Variants in CTNNA2 observed in about 807,000 individuals in gnomAD.
CTNNA2 encodes catenin alpha 2, also known as catenin alpha-2.
A neutral mutation model predicts 101.0 loss-of-function variants in CTNNA2; 42 were observed. That is an observed-to-expected ratio of 0.42 (90% CI 0.32 to 0.54). CTNNA2 has a LOEUF of 0.54. CTNNA2 is among the 20% of genes least tolerant of loss of function. CTNNA2 has a pLI of 0.14. For missense variants in CTNNA2, 871 were observed against 1,223.1 expected (o/e 0.71, Z 4.29); for synonymous variants, 450 against 456.4 (o/e 0.99, Z 0.18).
At chr2:79,847,412 A>G (rs528740095) in intron 3 of CTNNA2, among the ~76,000 whole-genome samples, 1 of 151,936 alleles carries the variant, frequency 6.6e-6, no homozygotes, top group South Asian at 2.1e-4. Flanking sequence ...GTGTGGTGGC[A>G]TGTGCCTATA....
intron 12 of CTNNA2, among the ~76,000 whole-genome samples, chr2:80,561,280 G>A (rs143009368): frequency 2.4e-3 from 362 of 152,230 alleles, no homozygotes; most frequent in African/African-American, 8.1e-3. Context: ...ATTTTAAGTC[G>A]GAAGTGTAGG....
intron 2 of CTNNA2, among the ~76,000 whole-genome samples, chr2:79,229,239 G>T (rs1309143111): frequency 6.6e-6 from 1 of 152,062 alleles, no homozygotes; most frequent in African/African-American, 2.4e-5. Flanking sequence ...TAGCTATTTA[G>T]GCTGATATGG....
At chr2:79,749,800 C>G (rs1671888448) in intron 3 of CTNNA2, among the ~76,000 whole-genome samples, 1 of 152,070 alleles carries the variant, frequency 6.6e-6, no homozygotes, top group African/African-American at 2.4e-5. Flanking sequence ...AATTGTTTTA[C>G]TAAATGAAGT....
At chr2:79,290,212 G>C (rs1055165819) in intron 2 of CTNNA2, among the ~76,000 whole-genome samples, 7 of 152,168 alleles carry the variant, frequency 4.6e-5, no homozygotes, top group Non-Finnish European at 1.0e-4. Context: ...CATTGGACTG[G>C]TCAACTAGTA....
chr2:79,360,689 A>T (rs1436718099), intron 3 of CTNNA2, among the ~76,000 whole-genome samples: 1 of 152,220 alleles, frequency 6.6e-6, no homozygotes, highest in East Asian at 1.9e-4. Flanking sequence ...AAACACAAAA[A>T]GTCAACAGGA....
At chr2:79,736,067 A>G (rs566155984) in intron 2 of CTNNA2, among the ~76,000 whole-genome samples, 1 of 152,280 alleles carries the variant, frequency 6.6e-6, no homozygotes, top group Non-Finnish European at 1.5e-5. Context: ...AGTAGTTTCT[A>G]TTGTAGTAGT....
chr2:80,617,894 C>G (rs952014163), intron 17 of CTNNA2, among the ~76,000 whole-genome samples: 2 of 151,686 alleles, frequency 1.3e-5, no homozygotes, highest in Admixed American at 1.3e-4. Context: ...TTTATGATGC[C>G]ATAATTTGCA....
intron 3 of CTNNA2, among the ~76,000 whole-genome samples, chr2:79,749,551 A>G (rs937847908): frequency 6.6e-6 from 1 of 152,162 alleles, no homozygotes; most frequent in Non-Finnish European, 1.5e-5. Context: ...CAGAATAGGA[A>G]CAATGAGATT....
intron 7 of CTNNA2, among the ~76,000 whole-genome samples, chr2:80,342,585 C>T (rs945183208): frequency 2.0e-5 from 3 of 151,970 alleles, no homozygotes; most frequent in Non-Finnish European, 2.9e-5. Flanking sequence ...AGTTTCTTTC[C>T]AGGCAAATAA....
intron 1 of CTNNA2, among the ~76,000 whole-genome samples, chr2:79,565,170 C>T (rs988289817): frequency 6.6e-6 from 1 of 151,430 alleles, no homozygotes; most frequent in Non-Finnish European, 1.5e-5. Context: ...AGCTAAAAGC[C>T]GGGTTGTCAC....
chr2:79,967,133 TG>T (rs1156899671), intron 7 of CTNNA2, among the ~76,000 whole-genome samples: 2 of 151,720 alleles, frequency 1.3e-5, no homozygotes, highest in African/African-American at 4.8e-5. Flanking sequence ...TGTGTGTGTG[TG>T]TGTGTATGTT....
chr2:79,764,481 C>T (rs1673004918), intron 3 of CTNNA2, among the ~76,000 whole-genome samples: 1 of 152,074 alleles, frequency 6.6e-6, no homozygotes, highest in Non-Finnish European at 1.5e-5. Flanking sequence ...ATGTTGAAAA[C>T]TATAGGCCAA....
intron 2 of CTNNA2, among the ~76,000 whole-genome samples, chr2:79,242,969 A>ATATATATATATATATATAT (rs1674646204): frequency 1.6e-5 from 2 of 127,332 alleles, no homozygotes; most frequent in African/African-American, 5.9e-5. Flanking sequence ...CCTGTCTCGA[A>ATATATATATATATATATAT]ATATATATAT....
chr2:79,419,296 T>C (rs551890315), intron 4 of CTNNA2, among the ~76,000 whole-genome samples: 13 of 152,312 alleles, frequency 8.5e-5, no homozygotes. Context: ...AATGAGACTA[T>C]CAGTAAGTAT....
intron 7 of CTNNA2, among the ~76,000 whole-genome samples, chr2:80,131,695 A>G (rs774888629): frequency 3.9e-5 from 6 of 152,106 alleles, no homozygotes; most frequent in Non-Finnish European, 8.8e-5. Context: ...AAGCCTCACC[A>G]TGTGTTCAAT....
intron 7 of CTNNA2, among the ~76,000 whole-genome samples, chr2:79,995,589 T>C (rs555270494): frequency 1.3e-5 from 2 of 152,214 alleles, no homozygotes; most frequent in African/African-American, 4.8e-5. Flanking sequence ...GGAGGGAGGA[T>C]CACTTGAGCT....
chr2:80,266,366 A>G (rs544151483), intron 7 of CTNNA2, among the ~76,000 whole-genome samples: 1 of 152,278 alleles, frequency 6.6e-6, no homozygotes, highest in African/African-American at 2.4e-5. Context: ...CGAGAGTCCT[A>G]TGTAGAGCAC....
chr2:79,645,489 A>G lies in CTNNA2; in HGVS notation c.-5-6063A>G, dbSNP rs543072636. On this transcript the variant is annotated intron_variant, in intron 1 of 18. Transcript: ENST00000402739. Reference sequence around the variant, plus strand: ...TAGGGGAGAAATTTAAAGAAAATAAATGCAAAAAAGGCAGAGAAAAAAGCA... The same window carrying G: ...TAGGGGAGAAATTTAAAGAAAATAAGTGCAAAAAAGGCAGAGAAAAAAGCA... 1.4e-4 allele frequency among the ~76,000 whole-genome samples: 22 copies of G among 152,344 alleles called. No homozygotes were observed. The South Asian group carries it at 4.6e-3, about 32-fold the overall frequency.
intron 8 of CTNNA2, among the ~76,000 whole-genome samples, chr2:80,394,875 C>T (rs556909517): frequency 6.6e-6 from 1 of 152,122 alleles, no homozygotes; most frequent in Non-Finnish European, 1.5e-5. Flanking sequence ...AGTGGGAGGA[C>T]ATCTCCAGGT....
Sources: allele counts gnomAD v4.1 joint callset (sites outside exome capture counted in the v4.1 genomes callset), GRCh38; gene constraint gnomAD v4.1.1; transcripts MANE v1.5; gene names NCBI Gene and HGNC (gene_info 2026-07-23, HGNC 2026-07-21).